Variants in MAGI2 observed in about 807,000 individuals in gnomAD.
MAGI2 encodes the protein membrane associated guanylate kinase, WW and PDZ domain containing 2, also known as membrane-associated guanylate kinase, WW and PDZ domain-containing protein 2.
In MAGI2, 35 loss-of-function variants were observed where a neutral mutation model predicts 133.3. The ratio of observed to expected loss-of-function variants is 0.26; its 90% confidence interval spans 0.20 to 0.35. MAGI2 has a LOEUF of 0.35. Ranked by LOEUF, MAGI2 falls within the 10% of genes least tolerant of loss-of-function variation. The probability of loss-of-function intolerance (pLI) is 1.00; values close to 1 mark genes in which losing one functional copy is unlikely to be tolerated. For synonymous variants in MAGI2, 729 were observed against 710.6 expected (o/e 1.03, Z -0.41); for missense variants, 1,636 against 1,863.4 (o/e 0.88, Z 2.25).
chr7:78,063,239 T>C (rs1210401497), intron 21 of MAGI2, among the ~76,000 whole-genome samples: 2 of 27,632 alleles, frequency 7.2e-5, no homozygotes, highest in Non-Finnish European at 2.5e-4. Context: ...GGTATTTTTT[T>C]CTTTTCTTTT....
intron 2 of MAGI2, among the ~76,000 whole-genome samples, chr7:78,947,509 T>C (rs1225717451): frequency 6.6e-6 from 1 of 152,130 alleles, no homozygotes. Context: ...CAGATGAAAA[T>C]ATGCTTAAGT....
At chr7:78,388,414 A>G (rs1795607036) in intron 6 of MAGI2, among the ~76,000 whole-genome samples, 1 of 152,158 alleles carries the variant, frequency 6.6e-6, no homozygotes, top group East Asian at 1.9e-4. Context: ...GCAGGTAAAA[A>G]TCACTAGTGT....
intron 1 of MAGI2, among the ~76,000 whole-genome samples, chr7:79,279,425 A>G (rs919069883): frequency 6.6e-6 from 1 of 152,130 alleles, no homozygotes; most frequent in Non-Finnish European, 1.5e-5. Context: ...TGTAGCCTGG[A>G]CAGAGCCCTA....
chr7:78,068,148 C>T (rs1814041628), intron 21 of MAGI2, among the ~76,000 whole-genome samples: 1 of 152,172 alleles, frequency 6.6e-6, no homozygotes, highest in Admixed American at 6.5e-5. Context: ...ACTGTTCCAC[C>T]TCAGATCCTC....
At chr7:78,955,747 T>TTC (rs1352931226) in intron 2 of MAGI2, among the ~76,000 whole-genome samples, 11 of 70,910 alleles carry the variant, frequency 1.6e-4, no homozygotes, top group Non-Finnish European at 2.6e-4. Flanking sequence ...CTTTCTTTCT[T>TTC]TCTTTCTTTC....
rs112466824 is a variant in MAGI2 at position 78,204,641 on chromosome 7, G to C, written c.2048-3448C>G. ...TATAATGATCTGACTCATGTTTTTCGTACTGATCATGTATTGATTTTTATC... is the reference window on the plus strand; with the variant it reads ...TATAATGATCTGACTCATGTTTTTCCTACTGATCATGTATTGATTTTTATC... On this transcript the variant is annotated intron_variant, in intron 10 of 21. Transcript: ENST00000354212. Among the ~76,000 whole-genome samples, 889 of 151,986 alleles carry C rather than the reference G, an allele frequency of 5.8e-3. 7 individuals carry two copies. Among genetic ancestry groups the C allele is most frequent in the African/African-American group, 0.02 (831 of 41,440 alleles).
chr7:78,249,450 AG>A (rs1792148823), intron 10 of MAGI2, among the ~76,000 whole-genome samples: 1 of 152,186 alleles, frequency 6.6e-6, no homozygotes, highest in Non-Finnish European at 1.5e-5. Context: ...CAAGATATGG[AG>A]CCAACCCAAG....
intron 2 of MAGI2, among the ~76,000 whole-genome samples, chr7:78,795,977 A>G (rs1787577406): frequency 6.6e-6 from 1 of 152,188 alleles, no homozygotes; most frequent in Non-Finnish European, 1.5e-5. Context: ...ACGTACAAAA[A>G]TCAACTGCAA....
chr7:78,246,879 A>G (rs1481648938), intron 10 of MAGI2, among the ~76,000 whole-genome samples: 6 of 152,180 alleles, frequency 3.9e-5, no homozygotes, highest in Non-Finnish European at 7.4e-5. Flanking sequence ...TCAGAGACAT[A>G]GCTACAAGCT....
In MAGI2 at chr7:79,312,403, T is replaced by C. The variant is rs1334779802; in HGVS notation, c.301+140617A>G. Among the ~76,000 whole-genome samples, 9 of 152,188 alleles carry C rather than the reference T, an allele frequency of 5.9e-5. No individual in the cohort carries two copies. The East Asian group carries it at 1.2e-3, about 20-fold the overall frequency. On this transcript the variant is annotated intron_variant, in intron 1 of 21. Coordinates refer to ENST00000354212, the MANE Select transcript of MAGI2 (RefSeq NM_012301.4). Reference sequence around the variant, plus strand: ...CATGATCTTTGCTAGTGCTGTTCTATGTGAAATGCTTCCCCTGGGAACCTT... The same window carrying C: ...CATGATCTTTGCTAGTGCTGTTCTACGTGAAATGCTTCCCCTGGGAACCTT...
intron 1 of MAGI2, 95 bp downstream of exon 1, chr7:79,452,925 A>T: frequency 7.4e-7 from 1 of 1,357,910 alleles, no homozygotes; most frequent in Non-Finnish European, 9.9e-7. Context: ...ATCGCGCAAC[A>T]CACCCCCTTC....
At chr7:78,962,838 A>T (rs202101985) in intron 2 of MAGI2, among the ~76,000 whole-genome samples, 1 of 151,658 alleles carries the variant, frequency 6.6e-6, no homozygotes, top group Non-Finnish European at 1.5e-5. Context: ...ATCAAATTAA[A>T]CTCTTTTAAG....
intron 1 of MAGI2, among the ~76,000 whole-genome samples, chr7:79,088,207 C>T (rs1181136720): frequency 6.6e-6 from 1 of 151,554 alleles, no homozygotes; most frequent in African/African-American, 2.4e-5. Flanking sequence ...GAACTACAAC[C>T]CCTTGAAGAG....
chr7:78,026,700 G>T (rs1808952911), intron 21 of MAGI2, among the ~76,000 whole-genome samples: 1 of 152,282 alleles, frequency 6.6e-6, no homozygotes, highest in South Asian at 2.1e-4. Context: ...AAGAGACTTT[G>T]TCAGCTGTCC....
chr7:78,687,012 C>T (rs537354771), intron 2 of MAGI2, among the ~76,000 whole-genome samples: 2 of 152,124 alleles, frequency 1.3e-5, no homozygotes, highest in East Asian at 1.9e-4. Context: ...GGTTTCCAAA[C>T]GTTGTTACTC....
chr7:79,448,792 G>A (rs1005973644), intron 1 of MAGI2, among the ~76,000 whole-genome samples: 2 of 152,064 alleles, frequency 1.3e-5, no homozygotes, highest in Admixed American at 6.5e-5. Flanking sequence ...CAATGAAAAG[G>A]AAAGTGAGCA....
intron 21 of MAGI2, among the ~76,000 whole-genome samples, chr7:78,062,258 T>C (rs562336902): frequency 6.6e-5 from 10 of 152,220 alleles, no homozygotes; most frequent in Non-Finnish European, 1.3e-4. Context: ...TTATCCGAGG[T>C]GGGTGTCCAC....
intron 2 of MAGI2, among the ~76,000 whole-genome samples, chr7:78,719,093 C>G (rs1563404217): frequency 1.3e-5 from 2 of 152,140 alleles, no homozygotes; most frequent in Non-Finnish European, 2.9e-5. Context: ...CTAGATTTAC[C>G]TGAAGAATTT....
At chr7:78,546,913 T>C (rs1000789152) in intron 3 of MAGI2, among the ~76,000 whole-genome samples, 16 of 152,330 alleles carry the variant, frequency 1.1e-4, no homozygotes, top group African/African-American at 2.4e-4. Context: ...ACTTTGTGCA[T>C]TGGACATGGT....
Sources: gnomAD v4.1 joint callset for allele counts (sites outside exome capture counted in the v4.1 genomes callset) on GRCh38, gnomAD v4.1.1 for gene constraint, MANE v1.5 for transcripts, NCBI Gene and HGNC (gene_info 2026-07-23, HGNC 2026-07-21) for gene names.